Variants in CDH12 observed in about 807,000 individuals in gnomAD.
CDH12 encodes the protein cadherin 12, also known as cadherin-12.
Under a neutral mutation model 74.1 loss-of-function variants are expected in CDH12, and 41 were observed. The ratio of observed to expected loss-of-function variants is 0.55; its 90% CI spans 0.43 to 0.72. The LOEUF is 0.72. Among genes scored for constraint, CDH12 ranks in the 30% least tolerant of loss-of-function variants. The pLI is 0.00. For missense variants in CDH12, 945 were observed against 977.2 expected, an observed-to-expected ratio of 0.97 and a Z score of 0.44; for synonymous variants, 399 against 355.0, an observed-to-expected ratio of 1.12 and a Z score of -1.39.
At chr5:21,864,352 T>C (rs1751214835) in intron 6 of CDH12, among the ~76,000 whole-genome samples, 1 of 152,222 alleles carries the variant, frequency 6.6e-6, no homozygotes, top group Admixed American at 6.5e-5. Flanking sequence ...CCACCCTTAG[T>C]GTGGGTAGAT....
chr5:21,780,483 A>G (rs1745845010), intron 11 of CDH12, among the ~76,000 whole-genome samples: 1 of 152,216 alleles, frequency 6.6e-6, no homozygotes. Flanking sequence ...GAAGCAATCA[A>G]TAAACTGTCT....
At chr5:22,813,851 C>T (rs1749263221) in intron 1 of CDH12, among the ~76,000 whole-genome samples, 1 of 152,196 alleles carries the variant, frequency 6.6e-6, no homozygotes, top group East Asian at 1.9e-4. Flanking sequence ...AAGCTCTCAC[C>T]AATATCTTGA....
chr5:22,027,940 T>C (rs1738497183), intron 5 of CDH12, among the ~76,000 whole-genome samples: 1 of 152,172 alleles, frequency 6.6e-6, no homozygotes, highest in Non-Finnish European at 1.5e-5. Context: ...CTACTTTCTC[T>C]TGTGGGCATT....
chr5:22,259,768 T>C (rs2150392962), intron 3 of CDH12, among the ~76,000 whole-genome samples: 1 of 152,174 alleles, frequency 6.6e-6, no homozygotes, highest in African/African-American at 2.4e-5. Flanking sequence ...TTTTTAAAGA[T>C]ATTTGCCTTG....
chr5:22,457,421 C>CA (rs1301042233), intron 2 of CDH12, among the ~76,000 whole-genome samples: 6 of 149,098 alleles, frequency 4.0e-5, no homozygotes, highest in African/African-American at 1.5e-4. Context: ...TCCTCTTCTT[C>CA]TTCATTTTTT....
intron 6 of CDH12, among the ~76,000 whole-genome samples, chr5:21,868,348 A>C (rs1751444176): frequency 6.6e-6 from 1 of 152,192 alleles, no homozygotes; most frequent in African/African-American, 2.4e-5. Context: ...CCAACCAGAC[A>C]AAGCATAGTG....
intron 3 of CDH12, among the ~76,000 whole-genome samples, chr5:22,363,882 G>T (rs1359592501): frequency 6.6e-6 from 1 of 152,160 alleles, no homozygotes; most frequent in Non-Finnish European, 1.5e-5. Flanking sequence ...TAGACCAAAG[G>T]AACAGATTTC....
chr5:21,847,988 G>T (rs1750268812), intron 7 of CDH12, among the ~76,000 whole-genome samples: 1 of 152,054 alleles, frequency 6.6e-6, no homozygotes, highest in Non-Finnish European at 1.5e-5. Context: ...CAGGCATATA[G>T]TAGGCACTCA....
At chr5:22,690,078 G>A (rs1033611629) in intron 1 of CDH12, among the ~76,000 whole-genome samples, 41 of 152,020 alleles carry the variant, frequency 2.7e-4, no homozygotes, top group Admixed American at 5.2e-4. Flanking sequence ...AATAAAAATT[G>A]CATGTGACTT....
At chr5:22,419,989 TG>T (rs947867910) in intron 2 of CDH12, among the ~76,000 whole-genome samples, 7 of 139,224 alleles carry the variant, frequency 5.0e-5, no homozygotes, top group African/African-American at 1.3e-4. Flanking sequence ...CATATTTTAA[TG>T]GGGTTTTTTT....
chr5:22,278,369 C>A (rs1009043503), intron 3 of CDH12, among the ~76,000 whole-genome samples: 1 of 152,016 alleles, frequency 6.6e-6, no homozygotes, highest in Non-Finnish European at 1.5e-5. Flanking sequence ...CCTCTGTCAG[C>A]CAAAAGGATG....
intron 2 of CDH12, among the ~76,000 whole-genome samples, chr5:22,487,316 G>A (rs1004679145): frequency 6.6e-6 from 1 of 152,192 alleles, no homozygotes; most frequent in South Asian, 2.1e-4. Context: ...CATATATTTT[G>A]AACAAACAAT....
chr5:22,427,328 C>T (rs543001739), intron 2 of CDH12, among the ~76,000 whole-genome samples: 9 of 152,058 alleles, frequency 5.9e-5, no homozygotes, highest in Admixed American at 2.0e-4. Context: ...CCACCACGCC[C>T]GGCTAATTTT....
chr5:22,846,979 T>G (rs1737334796), intron 1 of CDH12, among the ~76,000 whole-genome samples: 2 of 152,316 alleles, frequency 1.3e-5, no homozygotes, highest in African/African-American at 4.8e-5. Context: ...TGTTAATGTT[T>G]AATATAAATA....
chr5:22,313,262 T>G lies in CDH12; in HGVS notation c.-333+91995A>C, dbSNP rs143078794. On this transcript the variant is annotated intron_variant, in intron 3 of 14. Coordinates refer to ENST00000382254, the MANE Select transcript of CDH12 (RefSeq NM_004061.5). ...ACTTTTTTATCAAGATGATAAATTC[T>G]GAAGGTAGACTTTGAGAAGAGAGAA... Among the ~76,000 whole-genome samples, 678 of 152,362 alleles carry G rather than the reference T, an allele frequency of 4.4e-3. 5 individuals are homozygous for G. The highest frequency in any genetic ancestry group is 0.015 in the African/African-American group (636 of 41,592).
At chr5:22,720,415 A>C (rs1439884178) in intron 1 of CDH12, among the ~76,000 whole-genome samples, 1 of 152,148 alleles carries the variant, frequency 6.6e-6, no homozygotes, top group Non-Finnish European at 1.5e-5. Flanking sequence ...GAGTCAAGTA[A>C]ACTTCTTTTC....
chr5:22,330,301 G>T (rs1379075978), intron 3 of CDH12, among the ~76,000 whole-genome samples: 1 of 152,042 alleles, frequency 6.6e-6, no homozygotes, highest in Non-Finnish European at 1.5e-5. Context: ...GTACTGGCAG[G>T]ATATTACCTG....
At chr5:21,803,866 A>G (rs1421102958) in intron 9 of CDH12, among the ~76,000 whole-genome samples, 1 of 152,150 alleles carries the variant, frequency 6.6e-6, no homozygotes, top group East Asian at 1.9e-4. Flanking sequence ...TATGATTGCC[A>G]TTTTATGCAT....
intron 3 of CDH12, among the ~76,000 whole-genome samples, chr5:22,227,857 T>C (rs1003228135): frequency 5.3e-5 from 8 of 152,086 alleles, no homozygotes; most frequent in African/African-American, 1.9e-4. Flanking sequence ...TGTGGCGACA[T>C]GGCACACTTG....
Sources: gnomAD v4.1 joint callset for allele counts (sites outside exome capture counted in the v4.1 genomes callset) on GRCh38, gnomAD v4.1.1 for gene constraint, MANE v1.5 for transcripts, NCBI Gene and HGNC (gene_info 2026-07-23, HGNC 2026-07-21) for gene names.